KCNIP4: variants seen among roughly 807,000 people sequenced by gnomAD.
KCNIP4 encodes the protein Kv channel-interacting protein 4.
Under a neutral mutation model 34.0 loss-of-function variants are expected in KCNIP4, and 12 were observed. The observed-to-expected ratio is 0.35, with a 90% CI of 0.23 to 0.57. KCNIP4 has a LOEUF of 0.57. Among genes scored for constraint, KCNIP4 ranks in the 20% least tolerant of loss-of-function variants. The pLI is 0.83. For missense variants in KCNIP4, 238 were observed against 311.7 expected, an observed-to-expected ratio of 0.76 and a Z score of 1.78; for synonymous variants, 124 against 102.2, an observed-to-expected ratio of 1.21 and a Z score of -1.29.
At chr4:21,796,136 A>G (rs1720608261) in intron 1 of KCNIP4, among the ~76,000 whole-genome samples, 1 of 152,202 alleles carries the variant, frequency 6.6e-6, no homozygotes. Flanking sequence ...CTCTTATATA[A>G]CATCACATTA....
intron 1 of KCNIP4, among the ~76,000 whole-genome samples, chr4:21,502,154 A>G (rs1733420708): frequency 6.6e-6 from 1 of 152,150 alleles, no homozygotes; most frequent in Admixed American, 6.6e-5. Context: ...AATTTACTTT[A>G]TAAAAATTGT....
At chr4:20,870,333 C>T (rs1197978474) in intron 2 of KCNIP4, among the ~76,000 whole-genome samples, 1 of 152,060 alleles carries the variant, frequency 6.6e-6, no homozygotes, top group Non-Finnish European at 1.5e-5. Flanking sequence ...GTCTCTCCCA[C>T]TCCACCATGT....
At chr4:20,944,548 G>A (rs2149626197) in intron 1 of KCNIP4, among the ~76,000 whole-genome samples, 1 of 152,316 alleles carries the variant, frequency 6.6e-6, no homozygotes, top group South Asian at 2.1e-4. Flanking sequence ...TTGTCAGCCA[G>A]ATGGGTTCTT....
At chr4:20,928,401 G>A (rs923894167) in intron 1 of KCNIP4, among the ~76,000 whole-genome samples, 5 of 151,236 alleles carry the variant, frequency 3.3e-5, no homozygotes, top group African/African-American at 9.7e-5. Flanking sequence ...AACTCAAAAG[G>A]GAAGTTAAAA....
chr4:21,475,268 C>T (rs1339530259), intron 1 of KCNIP4, among the ~76,000 whole-genome samples: 6 of 152,134 alleles, frequency 3.9e-5, no homozygotes, highest in Non-Finnish European at 8.8e-5. Context: ...TAGAGTTGCA[C>T]TTTACTCCCA....
chr4:21,443,408 T>G (rs1727663724), intron 1 of KCNIP4, among the ~76,000 whole-genome samples: 1 of 152,222 alleles, frequency 6.6e-6, no homozygotes, highest in East Asian at 1.9e-4. Flanking sequence ...AATTCTATGT[T>G]TCAACATATC....
chr4:21,865,673 G>T (rs570299592), intron 1 of KCNIP4, among the ~76,000 whole-genome samples: 1 of 151,868 alleles, frequency 6.6e-6, no homozygotes, highest in Non-Finnish European at 1.5e-5. Flanking sequence ...CTCTGGAGTC[G>T]CTGGGATTAC....
In KCNIP4 at chr4:21,608,169, A is replaced by T. The variant is rs186914732; in HGVS notation, c.61+340402T>A. ...TCTATTCCCTCTGTATTCTTCCACA[A>T]CTAATTACCACAACCTTAGAAGCTT... On this transcript the variant is annotated intron_variant, in intron 1 of 8. Coordinates refer to ENST00000382152, the MANE Select transcript of KCNIP4 (RefSeq NM_025221.6). Among the ~76,000 whole-genome samples the T allele has an allele frequency of 2.0e-3, 303 of 152,214 alleles. 3 individuals are homozygous for T. The highest frequency in any genetic ancestry group is 1.7e-3 in the Non-Finnish European group (116 of 68,016).
chr4:20,908,939 T>A (rs1163501327), intron 1 of KCNIP4, among the ~76,000 whole-genome samples: 1 of 152,218 alleles, frequency 6.6e-6, no homozygotes, highest in African/African-American at 2.4e-5. Context: ...ATTGTTATTA[T>A]TGAGCATAAC....
chr4:21,276,361 CTTTTTTTTT>C, intron 1 of KCNIP4, among the ~76,000 whole-genome samples: 1 of 129,210 alleles, frequency 7.7e-6, no homozygotes, highest in African/African-American at 2.9e-5. Flanking sequence ...GAGATTTTCT[CTTTTTTTTT>C]TTTTTTTTTT....
At chr4:20,904,522 G>A (rs556372814) in intron 1 of KCNIP4, among the ~76,000 whole-genome samples, 3 of 151,708 alleles carry the variant, frequency 2.0e-5, no homozygotes, top group Admixed American at 2.0e-4. Flanking sequence ...AAAAAGATGG[G>A]TGCTTAAATA....
chr4:21,170,784 A>G lies in KCNIP4; in HGVS notation c.62-288075T>C, dbSNP rs905555893. On this transcript the variant is annotated intron_variant, in intron 1 of 8. Coordinates refer to ENST00000382152, the MANE Select transcript of KCNIP4 (RefSeq NM_025221.6). ...ATATATGATAATACACCTGCTTTTA[A>G]TAAGTCAGCTGAATTACATTTTTGT... Among the ~76,000 whole-genome samples, 9 of 152,310 alleles carry G rather than the reference A, an allele frequency of 5.9e-5. No homozygotes were observed. The East Asian group carries it at 1.3e-3, about 23-fold the overall frequency.
intron 3 of KCNIP4, among the ~76,000 whole-genome samples, chr4:20,783,376 C>T (rs1319302816): frequency 6.6e-6 from 1 of 152,152 alleles, no homozygotes; most frequent in Non-Finnish European, 1.5e-5. Context: ...TAAAGACATA[C>T]CTGAGACTGG....
chr4:21,390,216 A>G (rs1722440121), intron 1 of KCNIP4, among the ~76,000 whole-genome samples: 1 of 152,026 alleles, frequency 6.6e-6, no homozygotes, highest in Non-Finnish European at 1.5e-5. Context: ...TTTGTCAGAT[A>G]AGTAGATTGT....
chr4:21,037,025 G>T (rs1487409847), intron 1 of KCNIP4, among the ~76,000 whole-genome samples: 1 of 151,150 alleles, frequency 6.6e-6, no homozygotes, highest in African/African-American at 2.4e-5. Flanking sequence ...TAAAAATAAA[G>T]AAGTAAAATG....
At chr4:21,239,514 C>A (rs964502930) in intron 1 of KCNIP4, among the ~76,000 whole-genome samples, 2 of 151,904 alleles carry the variant, frequency 1.3e-5, no homozygotes, top group Non-Finnish European at 2.9e-5. Context: ...ACAATGAACT[C>A]AAGCGAATTT....
chr4:21,179,743 A>C (rs1205505909), intron 1 of KCNIP4, among the ~76,000 whole-genome samples: 1 of 151,950 alleles, frequency 6.6e-6, no homozygotes, highest in Non-Finnish European at 1.5e-5. Flanking sequence ...TAAACTTCAT[A>C]CAAAAAAACT....
intron 1 of KCNIP4, among the ~76,000 whole-genome samples, chr4:21,603,056 C>A (rs1459606337): frequency 6.6e-6 from 1 of 152,048 alleles, no homozygotes; most frequent in Non-Finnish European, 1.5e-5. Context: ...TTGGAAAAAA[C>A]AACTTTTAAC....
At chr4:21,377,749 A>C (rs1173297331) in intron 1 of KCNIP4, among the ~76,000 whole-genome samples, 1 of 152,200 alleles carries the variant, frequency 6.6e-6, no homozygotes, top group African/African-American at 2.4e-5. Context: ...AAAGTGAGAA[A>C]AGCACAGTAC....
Sources: allele counts gnomAD v4.1 joint callset (sites outside exome capture counted in the v4.1 genomes callset), GRCh38; gene constraint gnomAD v4.1.1; transcripts MANE v1.5; gene names NCBI Gene and HGNC (gene_info 2026-07-23, HGNC 2026-07-21).